Variants in FAM120B observed in about 807,000 individuals in gnomAD.
FAM120B encodes family with sequence similarity 120 member B, also known as constitutive coactivator of peroxisome proliferator-activated receptor gamma.
A neutral mutation model predicts 96.3 loss-of-function variants in FAM120B; 83 were observed. The ratio of observed to expected loss-of-function variants is 0.86; its 90% CI spans 0.72 to 1.03. The LOEUF (loss-of-function observed/expected upper bound fraction) is 1.03. Ranked by LOEUF, FAM120B falls within the 50% of genes least tolerant of loss-of-function variation. The pLI, the probability that FAM120B is intolerant of heterozygous loss-of-function variation, is 0.00. For synonymous variants in FAM120B, 407 were observed against 402.7 expected (o/e 1.01, Z -0.13); for missense variants, 1,027 against 1,121.2 (o/e 0.92, Z 1.20).
chr6:170,369,665 C>T (rs73036672), intron 6 of FAM120B, among the ~76,000 whole-genome samples: 6,898 of 151,224 alleles, frequency 0.046, 216 homozygotes, highest in Non-Finnish European at 0.069. Context: ...CTCGGGTGAC[C>T]TTTGCCTCAG....
intron 4 of FAM120B, among the ~76,000 whole-genome samples, chr6:170,344,118 T>G (rs1405350200): frequency 7.4e-6 from 1 of 135,650 alleles, no homozygotes; most frequent in Admixed American, 7.4e-5. Context: ...CACCGTTGCC[T>G]GCGGTGCTAG....
Position 170,395,100 on chromosome 6 carries a change from A to C in FAM120B, c.2600-387A>C, listed in dbSNP as rs758639924. The stretch of plus-strand genomic sequence containing the variant: ...GTTTGTGGAGAATGGGGAGAAGCTC[A>C]CAAGTCCCAGAAGTGCTGCTCCATG... On this transcript the variant is annotated intron_variant, in intron 8 of 10. Coordinates refer to ENST00000476287, the MANE Select transcript of FAM120B (RefSeq NM_032448.3). 1.8e-4 allele frequency among the ~76,000 whole-genome samples: 27 copies of C among 152,334 alleles called. 1 individual carries two copies. In the Middle Eastern group the frequency reaches 0.014, roughly 77 times the overall value.
chr6:170,365,903 G>A (rs1382825602), intron 6 of FAM120B, among the ~76,000 whole-genome samples: 1 of 152,188 alleles, frequency 6.6e-6, no homozygotes, highest in Non-Finnish European at 1.5e-5. Flanking sequence ...TCACCATCGG[G>A]TGGGGTGGTC....
At chr6:170,345,491 G>T (rs1273044355) in intron 4 of FAM120B, among the ~76,000 whole-genome samples, 1 of 152,172 alleles carries the variant, frequency 6.6e-6, no homozygotes, top group African/African-American at 2.4e-5. Context: ...TGTAATATTT[G>T]CACAGCCTTC....
upstream of FAM120B, among the ~76,000 whole-genome samples, chr6:170,302,776 C>T (rs935898911): frequency 2.6e-5 from 4 of 152,194 alleles, no homozygotes; most frequent in South Asian, 2.1e-4. Flanking sequence ...TGGCTGTGCA[C>T]AGCAGAGCAC....
intron 6 of FAM120B, among the ~76,000 whole-genome samples, chr6:170,375,584 T>A (rs1789460750): frequency 6.6e-6 from 1 of 152,198 alleles, no homozygotes; most frequent in Admixed American, 6.5e-5. Context: ...TGATAAAGAA[T>A]CAGTATATCA....
chr6:170,379,545 C>A (rs113869009), intron 6 of FAM120B, among the ~76,000 whole-genome samples: 8 of 152,250 alleles, frequency 5.3e-5, no homozygotes, highest in African/African-American at 1.9e-4. Flanking sequence ...TTTGTTTCAG[C>A]GTCATGTCAG....
intron 1 of FAM120B, among the ~76,000 whole-genome samples, 199 bp from the exon 2 acceptor site, chr6:170,317,170 TA>T (rs1202284339): frequency 2.0e-5 from 3 of 152,232 alleles, no homozygotes. Flanking sequence ...CCAACTCAAG[TA>T]ATTAACTTAT....
At chr6:170,368,004 A>G (rs953090149) in intron 6 of FAM120B, among the ~76,000 whole-genome samples, 2 of 152,196 alleles carry the variant, frequency 1.3e-5, no homozygotes, top group Non-Finnish European at 2.9e-5. Context: ...CCTTTTTAAG[A>G]TGAAGTCATG....
chr6:170,308,928 T>G (rs1784441772), intron 1 of FAM120B, among the ~76,000 whole-genome samples: 1 of 152,248 alleles, frequency 6.6e-6, no homozygotes, highest in South Asian at 2.1e-4. Flanking sequence ...GCTTAGTAAC[T>G]CAGCATGTTG....
intron 9 of FAM120B, among the ~76,000 whole-genome samples, chr6:170,401,085 A>G (rs1778555457): frequency 6.6e-6 from 1 of 152,228 alleles, no homozygotes; most frequent in Non-Finnish European, 1.5e-5. Flanking sequence ...AAAACAGCAT[A>G]ATGACTTTCC....
At chr6:170,291,607 G>A (rs956417255), upstream of FAM120B, among the ~76,000 whole-genome samples, 35 of 152,236 alleles carry the variant, frequency 2.3e-4, no homozygotes, top group African/African-American at 6.3e-4. Flanking sequence ...CCAGAGCGAA[G>A]CGGCAGTTTC....
At position 170,348,341 on chromosome 6, in the gene FAM120B, G is replaced by T. The variant is rs928878240; in HGVS notation, c.2190+18G>T. Reference sequence around the variant, plus strand: ...TTGTCCAGGTAATGTCCAGCTGCCCGTTCTAGTCACTGCAGCCTGCGCTTA... The same window carrying T: ...TTGTCCAGGTAATGTCCAGCTGCCCTTTCTAGTCACTGCAGCCTGCGCTTA... On this transcript the variant is annotated intron_variant, in intron 5 of 10. Coordinates refer to ENST00000476287, the MANE Select transcript of FAM120B (RefSeq NM_032448.3). 1 of 1,610,142 alleles carries T rather than the reference G, an allele frequency of 6.2e-7. No individual in the cohort carries two copies. The highest frequency in any genetic ancestry group is 1.3e-5 in the African/African-American group (1 of 74,780).
intron 6 of FAM120B, among the ~76,000 whole-genome samples, chr6:170,366,056 G>GA (rs1245448141): frequency 6.6e-6 from 1 of 152,106 alleles, no homozygotes; most frequent in African/African-American, 2.4e-5. Flanking sequence ...AGTCTTGTAC[G>GA]AAAAAATAGA....
chr6:170,301,227 C>A (rs1055129744), intron 1 of FAM120B, among the ~76,000 whole-genome samples: 4 of 152,240 alleles, frequency 2.6e-5, no homozygotes, highest in Non-Finnish European at 5.9e-5. Context: ...CCAGCAGGAC[C>A]AATACCACAT....
chr6:170,294,641 A>G (rs191824943), upstream of FAM120B, among the ~76,000 whole-genome samples: 311 of 152,262 alleles, frequency 2.0e-3, 2 homozygotes, highest in African/African-American at 6.9e-3. The surrounding 1 kb of genome is among the most constrained non-coding windows in gnomAD (Gnocchi z 7.9). Flanking sequence ...TGGTCACTCA[A>G]TCCTATTCCA....
chr6:170,401,128 C>G (rs1304867688), intron 9 of FAM120B, among the ~76,000 whole-genome samples: 2 of 152,224 alleles, frequency 1.3e-5, no homozygotes, highest in Non-Finnish European at 2.9e-5. Context: ...ATCCTCAGCC[C>G]TGGGTCCCTG....
In FAM120B at chr6:170,391,126, G is replaced by A. The variant is rs1322538266; in HGVS notation, c.2599+5G>A. 2 of 1,607,444 alleles carry A rather than the reference G, an allele frequency of 1.2e-6. No homozygotes were observed. The highest frequency in any genetic ancestry group is 1.7e-6 in the Non-Finnish European group (2 of 1,174,104). On this transcript the variant is annotated splice_donor_5th_base_variant and intron_variant, in intron 8 of 10. Coordinates refer to ENST00000476287, the MANE Select transcript of FAM120B (RefSeq NM_032448.3). ...ACTGGGGCTCACACCACGCAGGTGG[G>A]AAAGGGCCAGGTGCCTCTAGAAGCC...
chr6:170,296,762 G>A (rs998879355), intron 1 of FAM120B, among the ~76,000 whole-genome samples: 37 of 152,120 alleles, frequency 2.4e-4, no homozygotes, highest in African/African-American at 8.9e-4. Context: ...GCGCGGGGTG[G>A]GGGTCTCCGG....
Sources: gnomAD v4.1 joint callset for allele counts (sites outside exome capture counted in the v4.1 genomes callset) on GRCh38, gnomAD v4.1.1 for gene constraint, Gnocchi (gnomAD v3.1) non-coding constraint, MANE v1.5 for transcripts, NCBI Gene and HGNC (gene_info 2026-07-23, HGNC 2026-07-21) for gene names.